FAM3B: variants seen among roughly 807,000 people sequenced by gnomAD.
The protein encoded by FAM3B is protein FAM3B.
A neutral mutation model predicts 28.4 loss-of-function variants in FAM3B; 29 were observed. The ratio of observed to expected loss-of-function variants is 1.02; its 90% confidence interval spans 0.76 to 1.39. FAM3B has a LOEUF of 1.39. Among genes scored for constraint, FAM3B ranks in the 40% most tolerant of loss-of-function variants. FAM3B has a pLI of 0.00. For synonymous variants in FAM3B, 91 were observed against 103.0 expected, an observed-to-expected ratio of 0.88 and a Z score of 0.71; for missense variants, 266 against 293.9, an observed-to-expected ratio of 0.91 and a Z score of 0.69.
intron 1 of FAM3B, 152 bp from the exon 2 acceptor site, chr21:41,322,771 C>T (rs1415484165): frequency 2.5e-5 from 27 of 1,081,682 alleles, no homozygotes; most frequent in Non-Finnish European, 3.6e-5. Context: ...CACCGCCTCC[C>T]ACCCTGGGAG....
At chr21:41,324,153 A>G (rs1209870326) in intron 2 of FAM3B, among the ~76,000 whole-genome samples, 3 of 152,164 alleles carry the variant, frequency 2.0e-5, no homozygotes, top group Non-Finnish European at 4.4e-5. Flanking sequence ...TTTCAGGGGG[A>G]CACATTCAGT....
intron 2 of FAM3B, among the ~76,000 whole-genome samples, chr21:41,335,631 A>G (rs2088949231): frequency 6.6e-6 from 1 of 152,210 alleles, no homozygotes; most frequent in Non-Finnish European, 1.5e-5. Context: ...AGCCTGCAGA[A>G]CCATGAGCCA....
At chr21:41,329,361 G>A (rs561102431) in intron 2 of FAM3B, among the ~76,000 whole-genome samples, 1 of 152,118 alleles carries the variant, frequency 6.6e-6, no homozygotes, top group Non-Finnish European at 1.5e-5. Flanking sequence ...CACGGGGGAC[G>A]TGAATCCTCC....
intron 2 of FAM3B, among the ~76,000 whole-genome samples, chr21:41,329,960 T>G (rs1040207560): frequency 7.2e-5 from 11 of 151,990 alleles, no homozygotes; most frequent in Non-Finnish European, 1.3e-4. Context: ...AGAACTCCAG[T>G]AAATACAGTA....
intron 3 of FAM3B, among the ~76,000 whole-genome samples, chr21:41,338,763 A>C (rs145495071): frequency 5.9e-5 from 9 of 152,172 alleles, no homozygotes; most frequent in African/African-American, 2.2e-4. Context: ...TTAGGATTTA[A>C]ATCTGAAGTG....
intron 1 of FAM3B, chr21:41,320,780 C>G (rs1442045553): frequency 1.3e-5 from 2 of 152,224 alleles, no homozygotes; most frequent in South Asian, 2.1e-4. Context: ...CTCTAGTCTT[C>G]CTGGGAGTCC....
intron 2 of FAM3B, among the ~76,000 whole-genome samples, chr21:41,327,870 C>T (rs1415312710): frequency 6.6e-6 from 1 of 152,200 alleles, no homozygotes; most frequent in Non-Finnish European, 1.5e-5. Flanking sequence ...CCATCAGGGC[C>T]GTGGATGTGG....
intron 7 of FAM3B, among the ~76,000 whole-genome samples, chr21:41,349,634 C>G (rs2089096404): frequency 6.6e-6 from 1 of 152,174 alleles, no homozygotes; most frequent in African/African-American, 2.4e-5. Context: ...AGACAAGCAA[C>G]AGAAGCAGCT....
rs765817991 is a variant in FAM3B, at chr21:41,345,685, G to A, written c.347-1G>A. On this transcript the variant is annotated splice_acceptor_variant, in intron 4 of 7. Coordinates refer to ENST00000357985, the MANE Select transcript of FAM3B (RefSeq NM_058186.4). LOFTEE classifies it high-confidence loss of function. ...TAAAATACCATTTCTTTTATTTTCA[G>A]ATGTAACTGGGAATGTGACAGCAAC... 1.9e-5 allele frequency: 29 copies of A among 1,537,074 alleles called. No individual in the cohort carries two copies. The Admixed American group carries it at 6.7e-4, about 35-fold the overall frequency.
intron 7 of FAM3B, among the ~76,000 whole-genome samples, chr21:41,354,647 T>C (rs1488241012): frequency 2.0e-5 from 3 of 151,960 alleles, no homozygotes; most frequent in African/African-American, 4.8e-5. Flanking sequence ...CATGGTCACA[T>C]AGAGGGGAAC....
intron 1 of FAM3B, among the ~76,000 whole-genome samples, chr21:41,305,341 A>C (rs1401915185): frequency 6.6e-6 from 1 of 152,200 alleles, no homozygotes; most frequent in Non-Finnish European, 1.5e-5. Context: ...GCCAGCCCAA[A>C]CTACCAACAC....
At chr21:41,312,214 T>C (rs907259090), upstream of FAM3B, among the ~76,000 whole-genome samples, 1 of 152,236 alleles carries the variant, frequency 6.6e-6, no homozygotes, top group Admixed American at 6.5e-5. Flanking sequence ...CGTGGTAGTT[T>C]ACACTGTCAT....
chr21:41,351,339 A>T (rs2089118916), intron 7 of FAM3B, among the ~76,000 whole-genome samples: 1 of 152,166 alleles, frequency 6.6e-6, no homozygotes, highest in Non-Finnish European at 1.5e-5. Context: ...ATTTCAGGAA[A>T]ATGCCTGTTT....
intron 1 of FAM3B, chr21:41,322,459 C>T: frequency 3.1e-6 from 2 of 646,272 alleles, no homozygotes; most frequent in East Asian, 5.5e-5. Context: ...CTACTATTCC[C>T]AGTGCTGGTG....
In FAM3B at chr21:41,306,973, C is replaced by A. The variant is rs113042330; in HGVS notation, n.99+2663C>A. Among the ~76,000 whole-genome samples, 299 of 152,300 alleles carry A rather than the reference C, an allele frequency of 2.0e-3. 3 individuals carry two copies. Among genetic ancestry groups the A allele is most frequent in the African/African-American group, 6.6e-3 (274 of 41,568 alleles). ...GAAAAGTAAATGAGCATTGGTGTCA[C>A]CTTAAAGTCAGCCCTAACAAAAGAG... is the stretch of plus-strand genomic sequence containing the variant. On this transcript the variant is annotated intron_variant and non_coding_transcript_variant, in intron 1 of 9. Transcript: ENST00000479810.
rs1347382883 is a variant in FAM3B at position 41,344,548 on chromosome 21, C to A, written c.346+14C>A. The A allele has an allele frequency of 6.2e-7, 1 of 1,610,122 alleles. No individual in the cohort carries two copies. Among genetic ancestry groups the A allele is most frequent in the African/African-American group, 1.3e-5 (1 of 74,842 alleles). On this transcript the variant is annotated intron_variant, in intron 4 of 7. Transcript: ENST00000357985. Reference sequence around the variant, plus strand: ...CCATTGTCAACTGTAAGTTACTAAACATTTTCTTTAAACTTCTCTAAAAGC... The same window carrying A: ...CCATTGTCAACTGTAAGTTACTAAAAATTTTCTTTAAACTTCTCTAAAAGC...
intron 1 of FAM3B, among the ~76,000 whole-genome samples, chr21:41,309,748 G>A (rs113647026): frequency 6.1e-4 from 93 of 152,320 alleles, no homozygotes; most frequent in African/African-American, 1.3e-3. Context: ...AAGCTTAGAC[G>A]CATTGATCTG....
chr21:41,349,626 A>C (rs1443764731), intron 7 of FAM3B, among the ~76,000 whole-genome samples: 2 of 152,202 alleles, frequency 1.3e-5, no homozygotes, highest in Non-Finnish European at 2.9e-5. Context: ...GGGAAGAAAG[A>C]CAAGCAACAG....
rs1463666035 is a variant in FAM3B, at chr21:41,322,978, G to A, written c.75G>A (p.Gly25=). ...CCTCCTTGTGTGCCTGGTATTCGGG[G>A]TACCTGCTCGCAGAGCTCATTCCAG... ...VFASLCAWYS[G]YLLAELIPDA... The change falls in exon 2 of 8, where the codon GGG becomes GGA. Residue 25 remains glycine (G), a synonymous_variant. Coordinates refer to ENST00000357985, the MANE Select transcript of FAM3B (RefSeq NM_058186.4). The A allele has an allele frequency of 6.2e-7, 1 of 1,612,570 alleles. No individual in the cohort carries two copies. Among genetic ancestry groups the A allele is most frequent in the Admixed American group, 1.7e-5 (1 of 60,028 alleles).
Sources: gnomAD v4.1 joint callset for allele counts (sites outside exome capture counted in the v4.1 genomes callset) on GRCh38, gnomAD v4.1.1 for gene constraint, MANE v1.5 for transcripts, NCBI Gene and HGNC (gene_info 2026-07-23, HGNC 2026-07-21) for gene names.